The following MCM9 variants were observed in gnomAD, a reference collection of about 807,000 sequenced individuals.
The protein encoded by MCM9 is DNA helicase MCM9.
Under a neutral mutation model 72.8 loss-of-function variants are expected in MCM9, and 55 were observed. The observed-to-expected ratio is 0.76, with a 90% CI of 0.61 to 0.95. The LOEUF is 0.95. MCM9 is among the 40% of genes least tolerant of loss of function. The pLI is 0.00. For missense variants in MCM9, 1,279 were observed against 1,377.0 expected (o/e 0.93, Z 1.13); for synonymous variants, 480 against 503.4 (o/e 0.95, Z 0.62).
rs760400829 is a variant in MCM9 at position 118,922,096 on chromosome 6, A to G, written c.622-10T>C. The G allele has an allele frequency of 6.3e-7, 1 of 1,599,620 alleles. No individual in the cohort carries two copies. Among genetic ancestry groups the G allele is most frequent in the Non-Finnish European group, 8.5e-7 (1 of 1,172,630 alleles). ...CAGATAGCCTTTGAACCTAGCAAAG[A>G]AAAGAAAACAGATTCTGAGTATGCT... On this transcript the variant is annotated splice_polypyrimidine_tract_variant and intron_variant, in intron 4 of 13. Coordinates refer to ENST00000619706, the MANE Select transcript of MCM9 (RefSeq NM_017696.3).
Position 118,913,430 on chromosome 6 carries a change from G to A in MCM9, c.905-10C>T, listed in dbSNP as rs1383768639. 1.7e-5 allele frequency: 27 copies of A among 1,611,772 alleles called. No individual in the cohort carries two copies. The highest frequency in any genetic ancestry group is 1.9e-5 in the Non-Finnish European group (22 of 1,179,412). ...AATATTACATTCCTTCCTAGGAAAA[G>A]CAGAAAGATCAGAAATCAGCAATAA... is the stretch of plus-strand genomic sequence containing the variant. On this transcript the variant is annotated splice_polypyrimidine_tract_variant and intron_variant, in intron 6 of 13. Coordinates refer to ENST00000619706, the MANE Select transcript of MCM9 (RefSeq NM_017696.3).
At chr6:118,896,070 A>G (rs1431652356) in intron 8 of MCM9, among the ~76,000 whole-genome samples, 1 of 150,394 alleles carries the variant, frequency 6.6e-6, no homozygotes, top group African/African-American at 2.4e-5. Flanking sequence ...ACCTATATAG[A>G]GCATAAATGC....
chr6:118,932,202 T>C (rs918775005), intron 2 of MCM9, among the ~76,000 whole-genome samples: 13 of 152,214 alleles, frequency 8.5e-5, no homozygotes, highest in Non-Finnish European at 4.4e-5. Flanking sequence ...TGATATGATG[T>C]ACAGGTTTAT....
intron 2 of MCM9, 90 bp downstream of exon 2, chr6:118,932,516 TG>T (rs1562443436): frequency 5.2e-6 from 4 of 763,538 alleles, no homozygotes; most frequent in Non-Finnish European, 4.8e-6. Context: ...TTTGTTTATA[TG>T]AACACAGTGT....
In MCM9 at chr6:118,874,728, A is replaced by T. The variant is rs181145825; in HGVS notation, c.1151-18183T>A. ...AAAATACTCATGGAACTAATAAGTGATTATAGCAAGGTTGCAGGTTAATAT... is the reference window on the plus strand; with the variant it reads ...AAAATACTCATGGAACTAATAAGTGTTTATAGCAAGGTTGCAGGTTAATAT... On this transcript the variant is annotated intron_variant, in intron 8 of 13. Coordinates refer to ENST00000619706, the MANE Select transcript of MCM9 (RefSeq NM_017696.3). Among the ~76,000 whole-genome samples the T allele has an allele frequency of 1.6e-4, 24 of 152,380 alleles. No individual in the cohort carries two copies. The East Asian group carries it at 4.2e-3, about 27-fold the overall frequency.
intron 6 of MCM9, among the ~76,000 whole-genome samples, chr6:118,914,262 T>A (rs1780767884): frequency 6.6e-6 from 1 of 152,126 alleles, no homozygotes; most frequent in African/African-American, 2.4e-5. Flanking sequence ...CATCACTGTT[T>A]GGGGTTCTGT....
At chr6:118,922,858 C>G (rs955945793) in intron 4 of MCM9, among the ~76,000 whole-genome samples, 1 of 151,844 alleles carries the variant, frequency 6.6e-6, no homozygotes, top group South Asian at 2.1e-4. Context: ...CATCGTGAAA[C>G]CCTGTCTCTA....
rs750138415 is a variant in MCM9 at position 118,815,290 on chromosome 6, T to G, written c.2966A>C (p.Glu989Ala). The stretch of plus-strand genomic sequence containing the variant: ...TGGCTGCTGCGACACCTCCTTTGTC[T>G]CACCCTGTGGCTGACTGGAGATCTG... ...GNQISSQPQGETKEVSQQPPE... is the reference protein window; with the variant it reads ...GNQISSQPQGATKEVSQQPPE... Residue 989 changes from glutamate to alanine, a missense_variant, in exon 14 of 14, where the codon GAG becomes GCG. Glu to Ala is a moderately radical substitution (Grantham distance 107). Coordinates refer to ENST00000619706, the MANE Select transcript of MCM9 (RefSeq NM_017696.3). 1.9e-6 allele frequency: 3 copies of G among 1,550,696 alleles called. No individual in the cohort carries two copies. The highest frequency in any genetic ancestry group is 2.6e-6 in the Non-Finnish European group (3 of 1,146,938).
chr6:118,882,200 A>C (rs1778331671), intron 8 of MCM9, among the ~76,000 whole-genome samples: 1 of 152,204 alleles, frequency 6.6e-6, no homozygotes, highest in Non-Finnish European at 1.5e-5. Context: ...GGAAAGACAA[A>C]GCCAATAAGG....
At chr6:118,875,493 AGGCATGGTGGCATGTGTCTATG>A (rs1280274141) in intron 8 of MCM9, among the ~76,000 whole-genome samples, 3 of 151,624 alleles carry the variant, frequency 2.0e-5, no homozygotes, top group African/African-American at 7.3e-5. Flanking sequence ...AAAACTAGCC[AGGCATGGTGGCATGTGTCTATG>A]GTCCCAGCTA....
At chr6:118,910,747 A>C in intron 8 of MCM9, 2 of 985,426 alleles carry the variant, frequency 2.0e-6, no homozygotes, top group African/African-American at 1.7e-5. Context: ...AATTCCAAAA[A>C]TCCATTCTTG....
At chr6:118,917,183 A>C (rs979735784) in intron 6 of MCM9, among the ~76,000 whole-genome samples, 1 of 152,196 alleles carries the variant, frequency 6.6e-6, no homozygotes, top group Non-Finnish European at 1.5e-5. Context: ...GTAGAGTTAG[A>C]TCTTTATTAT....
chr6:118,924,571 C>T (rs1034725403), intron 3 of MCM9, among the ~76,000 whole-genome samples: 6 of 152,122 alleles, frequency 3.9e-5, no homozygotes, highest in African/African-American at 9.7e-5. Context: ...GGTAGCATGA[C>T]GACCACAGAG....
chr6:118,931,760 A>G (rs1562443134), intron 2 of MCM9, 22 bp from the exon 3 acceptor site: 3 of 1,509,052 alleles, frequency 2.0e-6, no homozygotes, highest in Non-Finnish European at 2.7e-6. Context: ...AAAAAGGATC[A>G]TATTATATAT....
chr6:118,830,712 T>C (rs1027190666), intron 9 of MCM9, among the ~76,000 whole-genome samples: 2 of 152,232 alleles, frequency 1.3e-5, no homozygotes, highest in Non-Finnish European at 2.9e-5. Flanking sequence ...ATAATTTTTA[T>C]AAAATTATTT....
intron 9 of MCM9, among the ~76,000 whole-genome samples, chr6:118,842,443 A>C (rs576531975): frequency 6.6e-6 from 1 of 152,334 alleles, no homozygotes; most frequent in Admixed American, 6.5e-5. Flanking sequence ...ACACACTGTC[A>C]TGTGGCACTG....
intron 8 of MCM9, among the ~76,000 whole-genome samples, chr6:118,880,983 T>C (rs1250941074): frequency 6.6e-6 from 1 of 152,186 alleles, no homozygotes; most frequent in African/African-American, 2.4e-5. Context: ...GATAAGGTAA[T>C]TTATAAATTA....
At chr6:118,911,442 T>A (rs1780539084) in intron 8 of MCM9, 10 of 1,293,542 alleles carry the variant, frequency 7.7e-6, no homozygotes, top group Non-Finnish European at 7.8e-6. Context: ...ATAGGATTGT[T>A]CAAAACTAAG....
chr6:118,858,903 A>T (rs996547283), intron 8 of MCM9, among the ~76,000 whole-genome samples: 1 of 152,210 alleles, frequency 6.6e-6, no homozygotes, highest in African/African-American at 2.4e-5. Flanking sequence ...TCCTAGCATG[A>T]TTTTTTAAAA....
Sources: gnomAD v4.1 joint callset for allele counts (sites outside exome capture counted in the v4.1 genomes callset) on GRCh38, gnomAD v4.1.1 for gene constraint, MANE v1.5 for transcripts, NCBI Gene and HGNC (gene_info 2026-07-23, HGNC 2026-07-21) for gene names.